The following VCPKMT variants were observed in gnomAD, a reference collection of about 807,000 sequenced individuals.
VCPKMT encodes the protein protein N-lysine methyltransferase METTL21D.
Under a neutral mutation model 28.6 loss-of-function variants are expected in VCPKMT, and 32 were observed. That is an observed-to-expected ratio of 1.12 (90% CI 0.84 to 1.50). VCPKMT has a LOEUF of 1.50. Ranked by LOEUF, VCPKMT falls within the 40% of genes most tolerant of loss-of-function variation. VCPKMT has a pLI of 0.00. For missense variants in VCPKMT, 366 were observed against 285.0 expected (o/e 1.28, Z -2.05); for synonymous variants, 138 against 111.4 (o/e 1.24, Z -1.50).
rs770472728 is a variant in VCPKMT, at chr14:50,116,287, C to T, written c.266G>A (p.Gly89Glu). ...GAVGLMAATL[G>E]ADVVVTDLEE... ...ATCCCGCCCGCCCGCCAGCTCTTACCCGAGGGTAGCAGCCATGAGCCCCAC... is the reference window on the plus strand; with the variant it reads ...ATCCCGCCCGCCCGCCAGCTCTTACTCGAGGGTAGCAGCCATGAGCCCCAC... The change falls in exon 1 of 6, where the codon GGG (glycine) becomes GAG (glutamate). Residue 89 changes from glycine (G) to glutamate (E), a missense_variant and splice_region_variant. Transcript: ENST00000395860. 1 of 1,605,754 alleles carries T rather than the reference C, an allele frequency of 6.2e-7. No individual in the cohort carries two copies. Among genetic ancestry groups the T allele is most frequent in the Non-Finnish European group, 8.5e-7 (1 of 1,176,340 alleles).
chr14:50,108,677 T>C lies in VCPKMT; in HGVS notation c.*1022A>G. 1 of 985,858 alleles carries C rather than the reference T, an allele frequency of 1.0e-6. No homozygotes were observed. The highest frequency in any genetic ancestry group is 5.2e-4 in the Middle Eastern group (1 of 1,914). 61.1% of individuals were successfully genotyped at this position (985,858 alleles called of 1,614,324 possible). A position where few individuals can be genotyped will look rare whatever the true frequency, so the allele number is the denominator to read the frequency against. ...TTATTTTAACACATAAAATGTACCATCTAGCACCAATGCCTATAAATACCA... is the reference window on the plus strand; with the variant it reads ...TTATTTTAACACATAAAATGTACCACCTAGCACCAATGCCTATAAATACCA... On this transcript the variant is annotated 3_prime_UTR_variant, in exon 6 of 6. Coordinates refer to ENST00000395860, the MANE Select transcript of VCPKMT (RefSeq NM_024558.3).
At chr14:50,111,506 C>G in intron 5 of VCPKMT, 1 of 985,390 alleles carries the variant, frequency 1.0e-6, no homozygotes, top group Non-Finnish European at 1.2e-6. Context: ...CTTATTGAAT[C>G]TAGCATCCTT....
At chr14:50,115,813 A>G (rs775173761) in intron 3 of VCPKMT, 26 bp downstream of exon 3, 2 of 1,583,702 alleles carry the variant, frequency 1.3e-6, no homozygotes, top group Non-Finnish European at 1.7e-6. Flanking sequence ...TTCTAAGTGA[A>G]GAGACTTCGC....
rs1594932801 is a variant in VCPKMT at position 50,108,822 on chromosome 14, G to A, written c.*877C>T. 2 of 985,352 alleles carry A rather than the reference G, an allele frequency of 2.0e-6. No individual in the cohort carries two copies. The highest frequency in any genetic ancestry group is 5.2e-4 in the Middle Eastern group (1 of 1,914). 61.0% of individuals were successfully genotyped at this position (985,352 alleles called of 1,614,324 possible). A position where few individuals can be genotyped will look rare whatever the true frequency, so the allele number is the denominator to read the frequency against. ...AGAGACACAGAACAGAAATTCATTT[G>A]GTATATACATATAGAACTACATTTG... is the stretch of plus-strand genomic sequence containing the variant. On this transcript the variant is annotated 3_prime_UTR_variant, in exon 6 of 6. Transcript: ENST00000395860.
intron 4 of VCPKMT, among the ~76,000 whole-genome samples, chr14:50,113,704 G>A (rs1218206110): frequency 6.7e-6 from 1 of 148,612 alleles, no homozygotes; most frequent in African/African-American, 2.5e-5. Flanking sequence ...CTTATCACTT[G>A]GCAACATGGG....
chr14:50,105,971 G>A (rs913487374), downstream of VCPKMT, among the ~76,000 whole-genome samples: 3 of 152,102 alleles, frequency 2.0e-5, no homozygotes, highest in African/African-American at 4.8e-5. Context: ...GTTCCACATC[G>A]GATTCCAAGT....
downstream of VCPKMT, chr14:50,108,632 C>T: frequency 2.0e-6 from 2 of 985,860 alleles, no homozygotes; most frequent in African/African-American, 3.5e-5. Context: ...TTCACAGTCA[C>T]AAGGTCTCAA....
At chr14:50,114,125 G>A (rs1882925083) in intron 4 of VCPKMT, among the ~76,000 whole-genome samples, 160 bp downstream of exon 4, 1 of 152,174 alleles carries the variant, frequency 6.6e-6, no homozygotes. Context: ...AGATGAAAAA[G>A]GGGAGCTTCG....
Position 50,108,953 on chromosome 14 carries a change from A to G in VCPKMT, c.*746T>C. 1 of 985,444 alleles carries G rather than the reference A, an allele frequency of 1.0e-6. No individual in the cohort carries two copies. Among genetic ancestry groups the G allele is most frequent in the Non-Finnish European group, 1.2e-6 (1 of 829,918 alleles). 61.0% of individuals were successfully genotyped at this position (985,444 alleles called of 1,614,324 possible). A position where few individuals can be genotyped will look rare whatever the true frequency, so the allele number is the denominator to read the frequency against. On this transcript the variant is annotated 3_prime_UTR_variant, in exon 6 of 6. Transcript: ENST00000395860. ...AAGTGCATGAGCCACGTAAGTGCAT[A>G]AGCCTGAAACTGGTCTTTCTATTCT...
At chr14:50,104,475 TC>T (rs200372112), downstream of VCPKMT, among the ~76,000 whole-genome samples, 9 of 152,364 alleles carry the variant, frequency 5.9e-5, no homozygotes, top group East Asian at 1.7e-3. Context: ...GTTTTCTTTT[TC>T]TGTATTTCTA....
At chr14:50,107,099 T>C (rs978002383), downstream of VCPKMT, among the ~76,000 whole-genome samples, 1 of 152,206 alleles carries the variant, frequency 6.6e-6, no homozygotes, top group African/African-American at 2.4e-5. Flanking sequence ...TTACATTCCC[T>C]AACAATGGAC....
chr14:50,105,628 C>T (rs1383741054), downstream of VCPKMT, among the ~76,000 whole-genome samples: 1 of 152,162 alleles, frequency 6.6e-6, no homozygotes, highest in Non-Finnish European at 1.5e-5. Flanking sequence ...GAGAGTCCGT[C>T]TCGAAACAAA....
intron 4 of VCPKMT, among the ~76,000 whole-genome samples, chr14:50,113,170 G>T (rs1882822908): frequency 6.6e-6 from 1 of 152,124 alleles, no homozygotes; most frequent in Non-Finnish European, 1.5e-5. Context: ...CTTTATGTTG[G>T]TAAGTAGTTA....
In VCPKMT at chr14:50,116,546, C is replaced by G. The variant is rs757290430; in HGVS notation, c.7G>C (p.Asp3His). 8 of 1,605,680 alleles carry G rather than the reference C, an allele frequency of 5.0e-6. No homozygotes were observed. The highest frequency in any genetic ancestry group is 6.0e-6 in the Non-Finnish European group (7 of 1,174,836). The change falls in exon 1 of 6, where the codon GAT (aspartate) becomes CAT (histidine). Residue 3 changes from aspartate to histidine, a missense_variant. Transcript: ENST00000395860. Reference sequence around the variant, plus strand: ...TCCTCCAGCGAGGACTCCAGCGTATCCGCCATTGCGCCCGGCAACAGAAAG... The same window carrying G: ...TCCTCCAGCGAGGACTCCAGCGTATGCGCCATTGCGCCCGGCAACAGAAAG... MA[D>H]TLESSLEDPL...
downstream of VCPKMT, chr14:50,106,588 C>T (rs1882329013): frequency 1.2e-5 from 12 of 985,448 alleles, no homozygotes; most frequent in Non-Finnish European, 1.3e-5. Flanking sequence ...CACATCACTC[C>T]TCTAATTCTG....
chr14:50,114,214 T>A (rs1276982427), intron 4 of VCPKMT, 71 bp downstream of exon 4: 1 of 1,341,824 alleles, frequency 7.5e-7, no homozygotes, highest in Non-Finnish European at 9.7e-7. Context: ...TACCATAATA[T>A]ACTTGAAGAG....
chr14:50,112,466 C>A, intron 5 of VCPKMT, 149 bp downstream of exon 5: 88 of 354,972 alleles, frequency 2.5e-4, no homozygotes, highest in East Asian at 7.4e-4. Context: ...ATTAAATTAT[C>A]TTGACAATGA....
Position 50,109,040 on chromosome 14 carries a change from G to T in VCPKMT, c.*659C>A, listed in dbSNP as rs1882461716. ...TTTTGTTCCTCCAATCTTCTGATTT[G>T]TCTTCTTAGCAACTCATTACAGTAC... is the stretch of plus-strand genomic sequence containing the variant. On this transcript the variant is annotated 3_prime_UTR_variant, in exon 6 of 6. Transcript: ENST00000395860. The T allele has an allele frequency of 2.0e-6, 2 of 985,260 alleles. No individual in the cohort carries two copies. Among genetic ancestry groups the T allele is most frequent in the Non-Finnish European group, 2.4e-6 (2 of 829,848 alleles). 61.0% of individuals were successfully genotyped at this position (985,260 alleles called of 1,614,324 possible).
chr14:50,107,470 TGCCAG>T (rs900166051), downstream of VCPKMT, among the ~76,000 whole-genome samples: 14 of 152,088 alleles, frequency 9.2e-5, no homozygotes, highest in African/African-American at 3.1e-4. Flanking sequence ...CACGCCACCA[TGCCAG>T]GCTAATTTTT....
Sources: gnomAD v4.1 joint callset for allele counts (sites outside exome capture counted in the v4.1 genomes callset) on GRCh38, gnomAD v4.1.1 for gene constraint, MANE v1.5 for transcripts, NCBI Gene and HGNC (gene_info 2026-07-23, HGNC 2026-07-21) for gene names.